The following USH1C variants were observed in gnomAD, a reference collection of about 807,000 sequenced individuals.
USH1C encodes harmonin.
Under a neutral mutation model 119.3 loss-of-function variants are expected in USH1C, and 90 were observed. The ratio of observed to expected loss-of-function variants is 0.75; its 90% CI spans 0.64 to 0.90. USH1C has a LOEUF of 0.90. USH1C is among the 40% of genes least tolerant of loss of function. USH1C has a pLI of 0.00. For missense variants in USH1C, 1,165 were observed against 1,167.7 expected, an observed-to-expected ratio of 1.00 and a Z score of 0.03; for synonymous variants, 465 against 443.3, an observed-to-expected ratio of 1.05 and a Z score of -0.62.
At chr11:17,541,200 T>G (rs1233818208) in intron 1 of USH1C, among the ~76,000 whole-genome samples, 1 of 152,220 alleles carries the variant, frequency 6.6e-6, no homozygotes, top group African/African-American at 2.4e-5. Flanking sequence ...TCTCCCCATC[T>G]TAGTTTATTT....
intron 15 of USH1C, among the ~76,000 whole-genome samples, chr11:17,513,156 C>T (rs1484050753): frequency 6.6e-6 from 1 of 152,134 alleles, no homozygotes; most frequent in East Asian, 1.9e-4. Flanking sequence ...CTTCGAGGTC[C>T]TAGTTTTTCT....
intron 18 of USH1C, among the ~76,000 whole-genome samples, chr11:17,508,052 C>CAG (rs1359106532): frequency 6.6e-6 from 1 of 152,252 alleles, no homozygotes; most frequent in African/African-American, 2.4e-5. Context: ...CTCCCCTTCA[C>CAG]AGAGAGAGGC....
At chr11:17,506,957 T>G (rs757740420) in intron 18 of USH1C, among the ~76,000 whole-genome samples, 9 of 152,174 alleles carry the variant, frequency 5.9e-5, no homozygotes, top group Non-Finnish European at 1.3e-4. Flanking sequence ...AAGCATGTGT[T>G]GAATGAATAA....
chr11:17,524,213 T>C (rs1850555023), intron 9 of USH1C, among the ~76,000 whole-genome samples: 1 of 152,202 alleles, frequency 6.6e-6, no homozygotes, highest in South Asian at 2.1e-4. Context: ...CGCTCTTTGA[T>C]TACCATTACG....
At chr11:17,501,449 T>C in intron 22 of USH1C, 33 bp downstream of exon 22, 1 of 1,607,168 alleles carries the variant, frequency 6.2e-7, no homozygotes, top group Non-Finnish European at 8.5e-7. Flanking sequence ...CAGAGAGGGA[T>C]GGCGGCCCAC....
rs1300598745 is a variant in USH1C at position 17,523,549 on chromosome 11, C to T, written c.760-71G>A. ...CACTCGCTCATCTGCAGGACAGGCT[C>T]CCCCAGGGGCTCTGGGTCAGATGCT... is the stretch of plus-strand genomic sequence containing the variant. On this transcript the variant is annotated intron_variant, in intron 9 of 26. Transcript: ENST00000005226. The T allele has an allele frequency of 2.7e-6, 4 of 1,464,772 alleles. No homozygotes were observed. The East Asian group carries it at 6.8e-5, about 25-fold the overall frequency. 90.7% of individuals were successfully genotyped at this position (1,464,772 alleles called of 1,614,324 possible).
intron 14 of USH1C, among the ~76,000 whole-genome samples, chr11:17,518,722 A>G (rs1004505430): frequency 6.6e-6 from 1 of 152,182 alleles, no homozygotes; most frequent in Non-Finnish European, 1.5e-5. Context: ...TTTATTTTAA[A>G]AAATGCAGGG....
intron 14 of USH1C, among the ~76,000 whole-genome samples, chr11:17,516,860 G>A (rs1462366845): frequency 2.0e-5 from 3 of 152,200 alleles, no homozygotes; most frequent in Admixed American, 6.5e-5. Context: ...GCAGGAGCGG[G>A]CAGGAGATGT....
At chr11:17,526,906 C>A in intron 6 of USH1C, 96 bp from the exon 7 acceptor site, 1 of 1,577,858 alleles carries the variant, frequency 6.3e-7, no homozygotes, top group Non-Finnish European at 8.6e-7. Context: ...GAGCCTCCAG[C>A]CTCCACTGGC....
chr11:17,537,487 C>G (rs749272810), intron 1 of USH1C, among the ~76,000 whole-genome samples: 8 of 152,244 alleles, frequency 5.3e-5, no homozygotes, highest in Non-Finnish European at 1.2e-4. Context: ...TCTATTTGCT[C>G]TAGTCTAGAG....
chr11:17,496,460 T>G (rs1011939157), intron 25 of USH1C, among the ~76,000 whole-genome samples: 1 of 152,196 alleles, frequency 6.6e-6, no homozygotes, highest in East Asian at 1.9e-4. Context: ...GAGTGGGGAA[T>G]TAACAATCCT....
At chr11:17,523,149 C>G in intron 11 of USH1C, 62 bp downstream of exon 11, 1 of 1,611,636 alleles carries the variant, frequency 6.2e-7, no homozygotes. Context: ...TGGCAGAGAT[C>G]AAAGGTCAGA....
chr11:17,539,439 A>G (rs1851363069), intron 1 of USH1C, among the ~76,000 whole-genome samples: 1 of 152,218 alleles, frequency 6.6e-6, no homozygotes, highest in African/African-American at 2.4e-5. Context: ...TTAAAATGGG[A>G]TTTAATCACT....
intron 14 of USH1C, chr11:17,517,347 GC>G: frequency 6.5e-7 from 1 of 1,532,608 alleles, no homozygotes; most frequent in Middle Eastern, 2.2e-4. Context: ...TCAGGAGGAG[GC>G]GGGCAGGGTA....
intron 14 of USH1C, 119 bp downstream of exon 14, chr11:17,520,751 G>T: frequency 7.9e-7 from 1 of 1,273,784 alleles, no homozygotes; most frequent in Non-Finnish European, 1.1e-6. Context: ...GCCCCTCCAT[G>T]AAGGAACCAC....
intron 4 of USH1C, among the ~76,000 whole-genome samples, chr11:17,527,577 G>A (rs1850765142): frequency 6.6e-6 from 1 of 152,112 alleles, no homozygotes. Context: ...CAGGGGTGAG[G>A]GGCACAGCGG....
At chr11:17,513,407 G>A (rs1849988805) in intron 15 of USH1C, among the ~76,000 whole-genome samples, 1 of 152,062 alleles carries the variant, frequency 6.6e-6, no homozygotes, top group South Asian at 2.1e-4. Context: ...TCCAAGGCCA[G>A]GAATAAGGAA....
At chr11:17,501,592 G>T in intron 21 of USH1C, 57 bp from the exon 22 acceptor site, 2 of 1,570,702 alleles carry the variant, frequency 1.3e-6, no homozygotes, top group South Asian at 1.1e-5. Context: ...GGCGCTTGGG[G>T]TAGGGCTGGA....
intron 20 of USH1C, among the ~76,000 whole-genome samples, chr11:17,504,001 A>G (rs1849542510): frequency 6.6e-6 from 1 of 152,194 alleles, no homozygotes; most frequent in African/African-American, 2.4e-5. Flanking sequence ...GCTGGCTGCA[A>G]GATCTCTCTC....
Sources: allele counts gnomAD v4.1 joint callset (sites outside exome capture counted in the v4.1 genomes callset), GRCh38; gene constraint gnomAD v4.1.1; transcripts MANE v1.5; gene names NCBI Gene and HGNC (gene_info 2026-07-23, HGNC 2026-07-21).